The following CDH13 variants were observed in gnomAD, a reference collection of about 807,000 sequenced individuals.
CDH13 encodes cadherin 13.
Under a neutral mutation model 63.8 loss-of-function variants are expected in CDH13, and 24 were observed. The observed-to-expected ratio is 0.38, with a 90% CI of 0.27 to 0.53. The LOEUF is 0.53. Ranked by LOEUF, CDH13 falls within the 20% of genes least tolerant of loss-of-function variation. The pLI is 0.85. For synonymous variants in CDH13, 503 were observed against 355.3 expected (o/e 1.42, Z -4.67); for missense variants, 1,049 against 903.1 (o/e 1.16, Z -2.07).
intron 1 of CDH13, among the ~76,000 whole-genome samples, chr16:82,706,805 A>C (rs544207701): frequency 1.3e-5 from 2 of 151,420 alleles, no homozygotes; most frequent in African/African-American, 4.8e-5. Context: ...CTCTGTCTCA[A>C]AAAAAAAATA....
chr16:82,952,902 G>A (rs1905500082), intron 2 of CDH13, among the ~76,000 whole-genome samples: 1 of 152,186 alleles, frequency 6.6e-6, no homozygotes, highest in African/African-American at 2.4e-5. Context: ...GAAACCAGAA[G>A]ACAAGGCTGC....
At chr16:83,405,404 G>T (rs11647481) in intron 6 of CDH13, among the ~76,000 whole-genome samples, 4 of 152,066 alleles carry the variant, frequency 2.6e-5, no homozygotes, top group South Asian at 2.1e-4. Context: ...TAACCACAAG[G>T]GTCCTTATAA....
chr16:82,913,833 T>G (rs1384636691), intron 2 of CDH13, among the ~76,000 whole-genome samples: 1 of 151,738 alleles, frequency 6.6e-6, no homozygotes, highest in African/African-American at 2.4e-5. Context: ...ACCTAGCTAG[T>G]GAGGTTTGTG....
intron 7 of CDH13, among the ~76,000 whole-genome samples, chr16:83,502,602 T>C (rs2074307150): frequency 6.6e-6 from 1 of 152,200 alleles, no homozygotes; most frequent in Admixed American, 6.5e-5. Flanking sequence ...TTGAAAGAGA[T>C]GACGTGTTAA....
At chr16:82,906,486 A>T (rs139437419) in intron 2 of CDH13, among the ~76,000 whole-genome samples, 38 of 152,264 alleles carry the variant, frequency 2.5e-4, no homozygotes, top group African/African-American at 8.2e-4. Flanking sequence ...ATAACCACAA[A>T]AGGATATTTC....
intron 9 of CDH13, among the ~76,000 whole-genome samples, 159 bp downstream of exon 9, chr16:83,671,131 A>G (rs1390890844): frequency 6.6e-6 from 1 of 152,166 alleles, no homozygotes; most frequent in Admixed American, 6.5e-5. Flanking sequence ...TTAAGGGTGC[A>G]CTCGTATCCT....
intron 3 of CDH13, among the ~76,000 whole-genome samples, chr16:83,106,505 C>G (rs1385696165): frequency 6.6e-6 from 1 of 152,184 alleles, no homozygotes; most frequent in African/African-American, 2.4e-5. Flanking sequence ...CACGCCATTG[C>G]ACTCCAGCCT....
intron 1 of CDH13, among the ~76,000 whole-genome samples, chr16:82,801,552 G>C (rs1430880595): frequency 6.6e-6 from 1 of 152,166 alleles, no homozygotes; most frequent in African/African-American, 2.4e-5. Flanking sequence ...GGCAGCTAGG[G>C]TCAAGAACAG....
chr16:83,140,720 G>T (rs1414428662), intron 4 of CDH13, among the ~76,000 whole-genome samples: 2 of 152,174 alleles, frequency 1.3e-5, no homozygotes, highest in Non-Finnish European at 2.9e-5. Flanking sequence ...CTCCAAAAGT[G>T]CTGGGATTAC....
intron 3 of CDH13, among the ~76,000 whole-genome samples, chr16:83,081,779 C>T (rs1429384635): frequency 6.6e-6 from 1 of 152,054 alleles, no homozygotes; most frequent in Admixed American, 6.6e-5. Context: ...GGGTTCCACC[C>T]TCATGACCTC....
At chr16:83,594,166 T>C (rs892237689) in intron 7 of CDH13, among the ~76,000 whole-genome samples, 56 of 152,360 alleles carry the variant, frequency 3.7e-4, no homozygotes, top group African/African-American at 1.2e-3. Context: ...TGGCTCTTCC[T>C]GAAGGCCACC....
intron 6 of CDH13, among the ~76,000 whole-genome samples, chr16:83,420,480 C>A (rs970088341): frequency 1.3e-5 from 2 of 152,192 alleles, no homozygotes; most frequent in Non-Finnish European, 2.9e-5. Context: ...ATTTTGGTAG[C>A]TGTGCTCTCT....
intron 6 of CDH13, among the ~76,000 whole-genome samples, chr16:83,406,931 T>C (rs943017283): frequency 6.6e-6 from 1 of 152,272 alleles, no homozygotes; most frequent in African/African-American, 2.4e-5. Context: ...TAGCTACTAT[T>C]GTTAAAATTA....
At chr16:83,760,588 G>T (rs916706945) in intron 11 of CDH13, among the ~76,000 whole-genome samples, 13 of 152,310 alleles carry the variant, frequency 8.5e-5, no homozygotes, top group African/African-American at 3.1e-4. Flanking sequence ...GCTGAAACAA[G>T]AACACACATG....
intron 7 of CDH13, among the ~76,000 whole-genome samples, chr16:83,558,107 T>A (rs1325132512): frequency 6.6e-6 from 1 of 152,150 alleles, no homozygotes; most frequent in Non-Finnish European, 1.5e-5. Context: ...CAGAAGAGTT[T>A]TGCTACACTG....
chr16:83,676,692 G>T (rs1328456418), intron 9 of CDH13, among the ~76,000 whole-genome samples: 1 of 152,198 alleles, frequency 6.6e-6, no homozygotes, highest in Non-Finnish European at 1.5e-5. Flanking sequence ...ACCCTGCTGG[G>T]AGTTGTTCTA....
At chr16:83,396,542 G>T (rs904822698) in intron 6 of CDH13, 1 of 151,986 alleles carries the variant, frequency 6.6e-6, no homozygotes, top group African/African-American at 2.4e-5. Context: ...TTTGAATTAT[G>T]GTGGTACTTT....
chr16:82,842,382 G>C (rs1189129226), intron 1 of CDH13, among the ~76,000 whole-genome samples: 1 of 151,542 alleles, frequency 6.6e-6, no homozygotes, highest in Non-Finnish European at 1.5e-5. Context: ...TGAATTTCAA[G>C]TCCTTGGGAG....
chr16:83,289,515 C>G lies in CDH13; in HGVS notation c.637-55347C>G, dbSNP rs954528820. 3.4e-4 allele frequency among the ~76,000 whole-genome samples: 52 copies of G among 152,306 alleles called. 1 individual carries two copies. The highest frequency in any genetic ancestry group is 1.3e-3 in the African/African-American group (52 of 41,568). Reference sequence around the variant, plus strand: ...GCAGCCTGCGTTGAGAAGCACTGCTCTAAAAGATCTCTGCTGCATTTTATC... The same window carrying G: ...GCAGCCTGCGTTGAGAAGCACTGCTGTAAAAGATCTCTGCTGCATTTTATC... On this transcript the variant is annotated intron_variant, in intron 5 of 13. Coordinates refer to ENST00000567109, the MANE Select transcript of CDH13 (RefSeq NM_001257.5).
Sources: gnomAD v4.1 joint callset for allele counts (sites outside exome capture counted in the v4.1 genomes callset) on GRCh38, gnomAD v4.1.1 for gene constraint, MANE v1.5 for transcripts, NCBI Gene and HGNC (gene_info 2026-07-23, HGNC 2026-07-21) for gene names.